The following COL24A1 variants were observed in gnomAD, a reference collection of about 807,000 sequenced individuals.
The protein encoded by COL24A1 is collagen type XXIV alpha 1 chain.
A neutral mutation model predicts 253.9 loss-of-function variants in COL24A1; 224 were observed. The observed-to-expected ratio is 0.88, with a 90% confidence interval of 0.79 to 0.99. The LOEUF is 0.99. COL24A1 is among the 50% of genes least tolerant of loss of function. The probability of loss-of-function intolerance (pLI) is 0.00; values close to 1 mark genes in which losing one functional copy is unlikely to be tolerated. For missense variants in COL24A1, 2,131 were observed against 2,068.5 expected (o/e 1.03, Z -0.59); for synonymous variants, 685 against 673.7 (o/e 1.02, Z -0.26).
chr1:86,062,459 T>C (rs1322882866), intron 8 of COL24A1, among the ~76,000 whole-genome samples: 1 of 152,084 alleles, frequency 6.6e-6, no homozygotes, highest in Non-Finnish European at 1.5e-5. Context: ...ATACATTTTC[T>C]AACCTTTAAA....
intron 32 of COL24A1, among the ~76,000 whole-genome samples, chr1:85,886,825 T>A (rs950104963): frequency 6.6e-6 from 1 of 152,196 alleles, no homozygotes; most frequent in African/African-American, 2.4e-5. Context: ...TATACATGGT[T>A]AAATTTTACT....
chr1:85,896,120 T>C (rs1248395631), intron 29 of COL24A1, 55 bp from the exon 30 acceptor site: 4 of 1,460,882 alleles, frequency 2.7e-6, no homozygotes, highest in African/African-American at 2.8e-5. Flanking sequence ...ATGGTCTTAC[T>C]ATGCTAGCAT....
rs1399022414 is a variant in COL24A1, at chr1:85,832,903, C to T, written c.3681+5682G>A. Among the ~76,000 whole-genome samples, 58 of 149,610 alleles carry T rather than the reference C, an allele frequency of 3.9e-4. No individual in the cohort carries two copies. The East Asian group carries it at 5.5e-3, about 14-fold the overall frequency. On this transcript the variant is annotated intron_variant, in intron 43 of 59. Coordinates refer to ENST00000370571, the MANE Select transcript of COL24A1 (RefSeq NM_152890.7). The stretch of plus-strand genomic sequence containing the variant: ...ACAATTTGACTTCCTCTTTTCCTAA[C>T]TGAATACCCTTTATTTCCTTCTCCT...
At position 86,125,633 on chromosome 1, in the gene COL24A1, A is replaced by G. The variant is rs1171024166; in HGVS notation, c.703T>C (p.Cys235Arg). The G allele has an allele frequency of 1.2e-6, 2 of 1,613,072 alleles. No individual in the cohort carries two copies. Among genetic ancestry groups the G allele is most frequent in the South Asian group, 1.1e-5 (1 of 91,048 alleles). The change falls in exon 3 of 60, where the codon TGC becomes CGC. Residue 235 changes from cysteine (C) to arginine (R), a missense_variant. Transcript: ENST00000370571. ...CGACACTGCTGTTTCACATATCTGC[A>G]GTAGTCTGCAGATGCTTCTGCAGAA... ...IPSAEASADY[C>R]RYVKQQCRQA...
In COL24A1 at chr1:86,057,927, T is replaced by C; in HGVS notation, c.1851+4A>G. On this transcript the variant is annotated splice_donor_region_variant and intron_variant, in intron 10 of 59. Transcript: ENST00000370571. Reference sequence around the variant, plus strand: ...TTAACAGAATGATGGAAATGCCTACTTACTTGTGCACCTTTAGGACCTGGA... The same window carrying C: ...TTAACAGAATGATGGAAATGCCTACCTACTTGTGCACCTTTAGGACCTGGA... 2 of 1,612,260 alleles carry C rather than the reference T, an allele frequency of 1.2e-6. No homozygotes were observed. The highest frequency in any genetic ancestry group is 1.7e-6 in the Non-Finnish European group (2 of 1,179,082).
intron 55 of COL24A1, among the ~76,000 whole-genome samples, chr1:85,756,891 G>A (rs995040177): frequency 1.3e-5 from 2 of 152,096 alleles, no homozygotes; most frequent in African/African-American, 2.4e-5. Context: ...AATAAAATTC[G>A]AATATACGCT....
chr1:85,992,037 A>T (rs1571508142), intron 19 of COL24A1, among the ~76,000 whole-genome samples: 1 of 151,856 alleles, frequency 6.6e-6, no homozygotes. Context: ...TCTTCATTTA[A>T]CACTAGGTAT....
chr1:85,841,995 A>T (rs1676662744), intron 41 of COL24A1, 73 bp downstream of exon 41: 1 of 1,321,508 alleles, frequency 7.6e-7, no homozygotes, highest in African/African-American at 1.5e-5. Context: ...AAATTTTTCC[A>T]TGCAGTCTTT....
intron 37 of COL24A1, among the ~76,000 whole-genome samples, chr1:85,854,654 T>C (rs1436879483): frequency 6.6e-6 from 1 of 152,126 alleles, no homozygotes. Context: ...AGCAGTGTCT[T>C]GTAATTCTAA....
intron 28 of COL24A1, among the ~76,000 whole-genome samples, chr1:85,896,991 G>C (rs545908765): frequency 6.6e-6 from 1 of 152,096 alleles, no homozygotes; most frequent in African/African-American, 2.4e-5. Flanking sequence ...TGGGTATTTC[G>C]TTCACTTTAT....
intron 7 of COL24A1, among the ~76,000 whole-genome samples, chr1:86,072,097 A>T (rs1296260966): frequency 1.3e-5 from 2 of 152,182 alleles, no homozygotes; most frequent in Non-Finnish European, 2.9e-5. Flanking sequence ...TTGGGGAGAC[A>T]ACGAGCTAGC....
At chr1:85,735,756 T>G (rs1006113722) in intron 58 of COL24A1, among the ~76,000 whole-genome samples, 10 of 152,092 alleles carry the variant, frequency 6.6e-5, no homozygotes, top group Non-Finnish European at 1.3e-4. Flanking sequence ...GACATGATTA[T>G]TATTATTTTA....
chr1:86,071,716 A>G (rs2101843031), intron 7 of COL24A1, among the ~76,000 whole-genome samples: 1 of 152,312 alleles, frequency 6.6e-6, no homozygotes, highest in South Asian at 2.1e-4. Flanking sequence ...ATATATATGC[A>G]CTAAAGCACC....
At chr1:86,119,565 A>G (rs1420735932) in intron 3 of COL24A1, among the ~76,000 whole-genome samples, 1 of 152,144 alleles carries the variant, frequency 6.6e-6, no homozygotes, top group Non-Finnish European at 1.5e-5. Flanking sequence ...TGTGATACAA[A>G]GGGTTTCGCA....
rs1688608133 is a variant in COL24A1 at position 85,940,146 on chromosome 1, T to C, written c.2562+21103A>G. Among the ~76,000 whole-genome samples, 2 of 16,578 alleles carry C rather than the reference T, an allele frequency of 1.2e-4. 1 individual carries two copies. The highest frequency in any genetic ancestry group is 3.5e-3 in the South Asian group (2 of 576). 10.9% of individuals were successfully genotyped at this position (16,578 alleles called of 152,430 possible). On this transcript the variant is annotated intron_variant, in intron 24 of 59. Coordinates refer to ENST00000370571, the MANE Select transcript of COL24A1 (RefSeq NM_152890.7). ...AGGGCCGGGCGCGGTGGCTCACGCC[T>C]GTAATCCCAGCACTTTGGGAGGCCG...
chr1:86,115,422 AT>A (rs752292819), intron 3 of COL24A1, 44 bp from the exon 4 acceptor site: 4 of 1,561,408 alleles, frequency 2.6e-6, no homozygotes, highest in Middle Eastern at 1.7e-4. Context: ...TAGTGGACAC[AT>A]TTATTTTCTT....
Position 85,999,631 on chromosome 1 carries a change from ATAAAG to A in COL24A1, c.2311-11982_2311-11978del, listed in dbSNP as rs1473646629. On this transcript the variant is annotated intron_variant, in intron 19 of 59. Coordinates refer to ENST00000370571, the MANE Select transcript of COL24A1 (RefSeq NM_152890.7). The stretch of plus-strand genomic sequence containing the variant: ...CAAGACCCTGTCTCACTAAAATAAA[ATAAAG>A]TAAAATAAAATAAAATAAAATAAAA... Among the ~76,000 whole-genome samples the A allele has an allele frequency of 4.0e-3, 239 of 59,294 alleles. 2 individuals carry two copies. The highest frequency in any genetic ancestry group is 0.036 in the East Asian group (37 of 1,020). 38.9% of individuals were successfully genotyped at this position (59,294 alleles called of 152,430 possible). A position where few individuals can be genotyped will look rare whatever the true frequency, so the allele number is the denominator to read the frequency against.
chr1:85,845,266 A>C (rs1191692414), intron 39 of COL24A1, among the ~76,000 whole-genome samples: 2 of 151,934 alleles, frequency 1.3e-5, no homozygotes, highest in Non-Finnish European at 2.9e-5. Context: ...GAGAGAAAGC[A>C]TGGGTTTATC....
intron 36 of COL24A1, 40 bp from the exon 37 acceptor site, chr1:85,868,666 T>A: frequency 6.5e-7 from 1 of 1,548,774 alleles, no homozygotes; most frequent in Non-Finnish European, 8.9e-7. Context: ...AGGAATACAG[T>A]GAAATAATTA....
Sources: gnomAD v4.1 joint callset for allele counts (sites outside exome capture counted in the v4.1 genomes callset) on GRCh38, gnomAD v4.1.1 for gene constraint, MANE v1.5 for transcripts, NCBI Gene and HGNC (gene_info 2026-07-23, HGNC 2026-07-21) for gene names.